The following LRP1B variants were observed in gnomAD, a reference collection of about 807,000 sequenced individuals.
LRP1B encodes the protein low-density lipoprotein receptor-related protein 1B.
Under a neutral mutation model 556.6 loss-of-function variants are expected in LRP1B, and 217 were observed. That is an observed-to-expected ratio of 0.39 (90% CI 0.35 to 0.44). The LOEUF is 0.44. LRP1B is among the 20% of genes least tolerant of loss of function. The pLI, the probability that LRP1B is intolerant of heterozygous loss-of-function variation, is 1.00. For synonymous variants in LRP1B, 2,047 were observed against 1,865.8 expected (o/e 1.10, Z -2.50); for missense variants, 5,053 against 5,620.8 (o/e 0.90, Z 3.23).
At chr2:141,262,030 T>C (rs1025356245) in intron 3 of LRP1B, among the ~76,000 whole-genome samples, 3 of 152,196 alleles carry the variant, frequency 2.0e-5, no homozygotes, top group Admixed American at 6.6e-5. Flanking sequence ...CTACTCTACC[T>C]TCTTCCCAGC....
intron 2 of LRP1B, among the ~76,000 whole-genome samples, chr2:141,520,437 T>TG (rs1024156389): frequency 3.9e-5 from 6 of 151,934 alleles, no homozygotes; most frequent in Admixed American, 2.0e-4. Context: ...CATGAAGTCA[T>TG]GGGGGGAAAG....
intron 31 of LRP1B, among the ~76,000 whole-genome samples, chr2:140,823,382 A>G (rs1209640742): frequency 6.6e-6 from 1 of 152,184 alleles, no homozygotes; most frequent in Non-Finnish European, 1.5e-5. Flanking sequence ...TTAAATAATA[A>G]TTACAATAAT....
chr2:141,865,436 C>CA lies in LRP1B; in HGVS notation c.83-55036dup, dbSNP rs539650785. 5.2e-3 allele frequency among the ~76,000 whole-genome samples: 780 copies of CA among 150,334 alleles called. 6 individuals are homozygous for CA. The highest frequency in any genetic ancestry group is 0.018 in the African/African-American group (733 of 40,964). On this transcript the variant is annotated intron_variant, in intron 1 of 90. Transcript: ENST00000389484. Reference sequence around the variant, plus strand: ...TGAAACCCCGTCTCTACTAAAAATACAAAAAATTAGCCGGGCGTAGTGGCG... The same window carrying CA: ...TGAAACCCCGTCTCTACTAAAAATACAAAAAAATTAGCCGGGCGTAGTGGCG...
chr2:141,590,152 C>A (rs1432466962), intron 2 of LRP1B, among the ~76,000 whole-genome samples: 1 of 152,138 alleles, frequency 6.6e-6, no homozygotes, highest in Non-Finnish European at 1.5e-5. Context: ...TACCCTACCA[C>A]TTCACAGCCT....
chr2:140,554,784 TA>T (rs1031151758), intron 43 of LRP1B, among the ~76,000 whole-genome samples: 21 of 151,868 alleles, frequency 1.4e-4, no homozygotes, highest in African/African-American at 4.1e-4. Context: ...AATGAGTGAT[TA>T]AAAAAACATT....
chr2:142,074,757 C>T (rs979025891), intron 1 of LRP1B, among the ~76,000 whole-genome samples: 1 of 152,028 alleles, frequency 6.6e-6, no homozygotes, highest in Non-Finnish European at 1.5e-5. Flanking sequence ...AGTTACCAAA[C>T]AATGTTAATT....
At chr2:140,302,444 A>C (rs2105010063) in intron 83 of LRP1B, among the ~76,000 whole-genome samples, 1 of 152,280 alleles carries the variant, frequency 6.6e-6, no homozygotes, top group East Asian at 1.9e-4. Context: ...TGTTAGGTCT[A>C]CTTCATATTC....
intron 34 of LRP1B, among the ~76,000 whole-genome samples, chr2:140,769,552 G>C (rs1202369823): frequency 6.6e-6 from 1 of 151,884 alleles, no homozygotes; most frequent in Non-Finnish European, 1.5e-5. Flanking sequence ...TTATGCATAT[G>C]ATTTGTTAAA....
chr2:140,886,817 A>T (rs1044810860), intron 23 of LRP1B, among the ~76,000 whole-genome samples: 1 of 152,200 alleles, frequency 6.6e-6, no homozygotes, highest in African/African-American at 2.4e-5. Flanking sequence ...ATAGTTAGGG[A>T]GTGCTTCCAT....
At position 140,872,539 on chromosome 2, in the gene LRP1B, G is replaced by C. The variant is rs1693171909; in HGVS notation, c.4170-4276C>G. On this transcript the variant is annotated intron_variant, in intron 25 of 90. Transcript: ENST00000389484. ...CTTTTAATAATTTTCCCCTTTTGGA[G>C]ACCCAGGATTCAGTGTGGTCTCTAC... Among the ~76,000 whole-genome samples, 4 of 151,766 alleles carry C rather than the reference G, an allele frequency of 2.6e-5. No homozygotes were observed. In the South Asian group the frequency reaches 6.2e-4, roughly 24 times the overall value.
intron 20 of LRP1B, among the ~76,000 whole-genome samples, chr2:140,926,591 C>T (rs1694894015): frequency 6.6e-6 from 1 of 152,120 alleles, no homozygotes; most frequent in African/African-American, 2.4e-5. Flanking sequence ...GATTCTCCCG[C>T]CTCAGTCTCC....
intron 6 of LRP1B, among the ~76,000 whole-genome samples, chr2:141,219,531 A>G (rs1395139995): frequency 6.6e-6 from 1 of 152,216 alleles, no homozygotes; most frequent in African/African-American, 2.4e-5. Flanking sequence ...CTGGCAGTCC[A>G]GATGAGGGGG....
At chr2:141,374,133 T>G (rs567578032) in intron 3 of LRP1B, among the ~76,000 whole-genome samples, 5 of 152,150 alleles carry the variant, frequency 3.3e-5, no homozygotes, top group Non-Finnish European at 7.4e-5. Context: ...GGTATGTTTA[T>G]AGAGAAATAT....
chr2:140,254,785 C>G (rs1478026900), intron 86 of LRP1B, among the ~76,000 whole-genome samples: 1 of 152,000 alleles, frequency 6.6e-6, no homozygotes, highest in African/African-American at 2.4e-5. Context: ...AACTCCTGAC[C>G]TCGTGATCCT....
At chr2:140,993,565 T>C (rs1344985540) in intron 16 of LRP1B, among the ~76,000 whole-genome samples, 4 of 152,100 alleles carry the variant, frequency 2.6e-5, no homozygotes, top group Non-Finnish European at 5.9e-5. Context: ...GTCTGTTTCC[T>C]TGGATCTTCT....
At chr2:141,650,761 C>G (rs371350573) in intron 2 of LRP1B, among the ~76,000 whole-genome samples, 3 of 151,838 alleles carry the variant, frequency 2.0e-5, no homozygotes, top group East Asian at 3.9e-4. Flanking sequence ...GAAAAAAAGC[C>G]CATTTGAAAA....
At chr2:140,972,633 A>T (rs1254869709) in intron 18 of LRP1B, among the ~76,000 whole-genome samples, 1 of 152,146 alleles carries the variant, frequency 6.6e-6, no homozygotes, top group African/African-American at 2.4e-5. Context: ...TATTGTACCA[A>T]CTCCAAAACT....
chr2:140,582,258 C>G (rs560623692), intron 43 of LRP1B, among the ~76,000 whole-genome samples: 1 of 152,110 alleles, frequency 6.6e-6, no homozygotes, highest in Non-Finnish European at 1.5e-5. Context: ...GAGACCCATG[C>G]CTCATACAGG....
At chr2:141,986,524 C>A (rs1262359784) in intron 1 of LRP1B, among the ~76,000 whole-genome samples, 1 of 151,776 alleles carries the variant, frequency 6.6e-6, no homozygotes, top group Non-Finnish European at 1.5e-5. Context: ...TTTATAATTA[C>A]CTCTATTTGA....
Sources: gnomAD v4.1 joint callset for allele counts (sites outside exome capture counted in the v4.1 genomes callset) on GRCh38, gnomAD v4.1.1 for gene constraint, MANE v1.5 for transcripts, NCBI Gene and HGNC (gene_info 2026-07-23, HGNC 2026-07-21) for gene names.